The following BTD variants were observed in gnomAD, a reference collection of about 807,000 sequenced individuals.
BTD encodes biotinidase, also known as biocytinase.
BTD carries 13 observed loss-of-function variants against 17.7 expected under a neutral mutation model. That is an observed-to-expected ratio of 0.74 (90% confidence interval 0.48 to 1.17). BTD has a LOEUF of 1.17. Among genes scored for constraint, BTD ranks in the 50% most tolerant of loss-of-function variants. The probability of loss-of-function intolerance (pLI) is 0.00; values close to 1 mark genes in which losing one functional copy is unlikely to be tolerated. For synonymous variants in BTD, 240 were observed against 245.2 expected (o/e 0.98, Z 0.20); for missense variants, 674 against 650.4 (o/e 1.04, Z -0.39).
intron 3 of BTD, among the ~76,000 whole-genome samples, chr3:15,674,775 A>C (rs1171747984): frequency 1.3e-5 from 2 of 152,226 alleles, no homozygotes; most frequent in Non-Finnish European, 2.9e-5. Context: ...AGGAAAACCA[A>C]GGAAGAGTGG....
At chr3:15,682,323 G>C (rs574523243) in intron 3 of BTD, among the ~76,000 whole-genome samples, 6 of 151,986 alleles carry the variant, frequency 3.9e-5, no homozygotes, top group Non-Finnish European at 8.8e-5. Context: ...GAGACCAAAG[G>C]GTTTGAGAAC....
intron 1 of BTD, chr3:15,602,189 C>G: frequency 7.2e-7 from 1 of 1,389,930 alleles, no homozygotes. Flanking sequence ...GATGTGTACC[C>G]CAGCAAGAGA....
At chr3:15,604,177 T>G (rs1003812583) in intron 1 of BTD, among the ~76,000 whole-genome samples, 1 of 152,252 alleles carries the variant, frequency 6.6e-6, no homozygotes, top group Admixed American at 6.5e-5. Context: ...CTATGAGGGC[T>G]CTACCCCTGC....
intron 4 of BTD, chr3:15,721,102 T>C (rs1345578340): frequency 6.2e-7 from 1 of 1,613,010 alleles, no homozygotes; most frequent in African/African-American, 1.3e-5. Context: ...AAGAGGTGTA[T>C]TTCCATAGGC....
chr3:15,605,159 A>G (rs2064408460), intron 1 of BTD, among the ~76,000 whole-genome samples: 1 of 152,224 alleles, frequency 6.6e-6, no homozygotes, highest in South Asian at 2.1e-4. Context: ...AGAAATACTC[A>G]AAACTGGGTA....
exon 4 of BTD, chr3:15,712,049 T>C (rs996530128): frequency 8.2e-6 from 8 of 976,304 alleles, no homozygotes; most frequent in Non-Finnish European, 1.3e-5. Flanking sequence ...TGGACCCATC[T>C]GCATTAATTT....
At chr3:15,672,976 A>C (rs1022866712) in intron 3 of BTD, among the ~76,000 whole-genome samples, 1 of 152,122 alleles carries the variant, frequency 6.6e-6, no homozygotes, top group African/African-American at 2.4e-5. Flanking sequence ...GGGTTTTGCC[A>C]TGTTGGCGGG....
At chr3:15,679,868 C>T (rs2067347710) in intron 3 of BTD, among the ~76,000 whole-genome samples, 1 of 151,988 alleles carries the variant, frequency 6.6e-6, no homozygotes, top group Non-Finnish European at 1.5e-5. Flanking sequence ...ACAGAGCAGA[C>T]TTTTTTTCTT....
chr3:15,618,596 G>C (rs1382424582), intron 1 of BTD, among the ~76,000 whole-genome samples: 1 of 151,986 alleles, frequency 6.6e-6, no homozygotes, highest in Non-Finnish European at 1.5e-5. Flanking sequence ...TGCGATCTCG[G>C]CTCACTGCAA....
At chr3:15,705,004 AAT>A (rs969629522) in intron 3 of BTD, among the ~76,000 whole-genome samples, 4 of 152,150 alleles carry the variant, frequency 2.6e-5, no homozygotes, top group African/African-American at 9.7e-5. Flanking sequence ...TCCTTTTACA[AAT>A]AAAGAATATT....
chr3:15,604,834 A>G lies in BTD; in HGVS notation c.-17+2940A>G, dbSNP rs115704470. Among the ~76,000 whole-genome samples the G allele has an allele frequency of 4.7e-4, 72 of 152,334 alleles. 1 individual carries two copies. Among genetic ancestry groups the G allele is most frequent in the Non-Finnish European group, 6.9e-4 (47 of 68,032 alleles). On this transcript the variant is annotated intron_variant, in intron 1 of 3. Coordinates refer to ENST00000643237, the MANE Select transcript of BTD (RefSeq NM_001370658.1). ...TACTCCAACTCTGAATAAGTTCCTC[A>G]TCTCCATCAGAAACCACTTCAGCCT...
chr3:15,633,037 T>A (rs2065251660), intron 1 of BTD, among the ~76,000 whole-genome samples: 1 of 152,212 alleles, frequency 6.6e-6, no homozygotes, highest in South Asian at 2.1e-4. Context: ...TCAAATGGTG[T>A]AGAATTTACA....
At chr3:15,713,542 C>T, downstream of BTD, 2 of 1,611,246 alleles carry the variant, frequency 1.2e-6, no homozygotes, top group South Asian at 1.1e-5. Flanking sequence ...AGTGTCAGCA[C>T]CACTTGTAAT....
chr3:15,717,899 T>C (rs6780258), intron 4 of BTD, among the ~76,000 whole-genome samples: 5,709 of 152,248 alleles, frequency 0.037, 347 homozygotes, highest in African/African-American at 0.13. Context: ...ACATTCCAAT[T>C]TCTAGTCATC....
intron 3 of BTD, among the ~76,000 whole-genome samples, chr3:15,664,783 A>T (rs962675991): frequency 2.6e-5 from 4 of 152,216 alleles, no homozygotes; most frequent in African/African-American, 7.2e-5. Flanking sequence ...AAAGAAATAT[A>T]AGATTAAATT....
chr3:15,611,504 T>G (rs912633129), intron 1 of BTD, among the ~76,000 whole-genome samples: 1 of 152,242 alleles, frequency 6.6e-6, no homozygotes, highest in African/African-American at 2.4e-5. Context: ...TTTTTTCCTT[T>G]ATAGTTAGAA....
In BTD at chr3:15,635,417, A is replaced by T. The variant is rs754068985; in HGVS notation, c.-16-7A>T. The T allele has an allele frequency of 1.2e-6, 2 of 1,614,200 alleles. No homozygotes were observed. The highest frequency in any genetic ancestry group is 2.2e-5 in the East Asian group (1 of 44,888). ...AGCTGTTTTCCCCTTGCCCCATTAC[A>T]TTCCAGATTTGTGGTCTGCATTATG... is the stretch of plus-strand genomic sequence containing the variant. On this transcript the variant is annotated splice_polypyrimidine_tract_variant and splice_region_variant and intron_variant, in intron 1 of 3. Transcript: ENST00000643237. The surrounding 1 kb of genome is among the most constrained non-coding windows in gnomAD (Gnocchi z 4.1).
intron 3 of BTD, among the ~76,000 whole-genome samples, chr3:15,673,917 G>A (rs1053105909): frequency 6.6e-6 from 1 of 151,984 alleles, no homozygotes; most frequent in African/African-American, 2.4e-5. Flanking sequence ...TATGAGTGGG[G>A]CCAGGTGGAG....
chr3:15,614,980 A>G (rs1214249106), intron 1 of BTD, among the ~76,000 whole-genome samples: 1 of 152,110 alleles, frequency 6.6e-6, no homozygotes, highest in Non-Finnish European at 1.5e-5. Flanking sequence ...GAAAATTTTC[A>G]CTAGTAATCC....
Sources: gnomAD v4.1 joint callset for allele counts (sites outside exome capture counted in the v4.1 genomes callset) on GRCh38, gnomAD v4.1.1 for gene constraint, Gnocchi (gnomAD v3.1) non-coding constraint, MANE v1.5 for transcripts, NCBI Gene and HGNC (gene_info 2026-07-23, HGNC 2026-07-21) for gene names.